GPM6A: variants seen among roughly 807,000 people sequenced by gnomAD.
The protein encoded by GPM6A is glycoprotein M6A.
GPM6A carries 7 observed loss-of-function variants against 32.1 expected under a neutral mutation model. That is an observed-to-expected ratio of 0.22 (90% CI 0.12 to 0.41). The LOEUF (loss-of-function observed/expected upper bound fraction) is 0.41, where lower values mean the gene tolerates loss of function less well. GPM6A is among the 10% of genes least tolerant of loss of function. The pLI, the probability that GPM6A is intolerant of heterozygous loss-of-function variation, is 1.00. For synonymous variants in GPM6A, 130 were observed against 123.4 expected, an observed-to-expected ratio of 1.05 and a Z score of -0.35; for missense variants, 235 against 347.2, an observed-to-expected ratio of 0.68 and a Z score of 2.57.
intron 1 of GPM6A, among the ~76,000 whole-genome samples, chr4:175,747,908 C>A (rs1453825551): frequency 7.0e-6 from 1 of 143,320 alleles, no homozygotes; most frequent in Non-Finnish European, 1.6e-5. Flanking sequence ...TCCTCTCAAA[C>A]CCTGCTGCTA....
intron 1 of GPM6A, among the ~76,000 whole-genome samples, chr4:175,942,852 G>A (rs1739459032): frequency 6.6e-6 from 1 of 152,080 alleles, no homozygotes; most frequent in Non-Finnish European, 1.5e-5. Context: ...GATTGTCTTG[G>A]CTGTACAGGT....
intron 1 of GPM6A, among the ~76,000 whole-genome samples, chr4:175,967,733 GA>G (rs1427779047): frequency 6.6e-6 from 1 of 152,078 alleles, no homozygotes; most frequent in Non-Finnish European, 1.5e-5. Context: ...AGAACTATAT[GA>G]AAAACTACAA....
At chr4:175,761,796 A>C (rs1387132638) in intron 1 of GPM6A, among the ~76,000 whole-genome samples, 1 of 132,586 alleles carries the variant, frequency 7.5e-6, no homozygotes, top group Non-Finnish European at 1.7e-5. Flanking sequence ...CCAAATAATA[A>C]ACTTTTTTTT....
chr4:175,819,823 A>C (rs1353571400), intron 1 of GPM6A, among the ~76,000 whole-genome samples: 1 of 152,174 alleles, frequency 6.6e-6, no homozygotes, highest in African/African-American at 2.4e-5. Context: ...TTCATCCAAA[A>C]ACAAAAACAT....
intron 1 of GPM6A, among the ~76,000 whole-genome samples, chr4:175,875,279 T>C (rs1050310356): frequency 6.6e-6 from 1 of 152,204 alleles, no homozygotes; most frequent in African/African-American, 2.4e-5. Flanking sequence ...TCTATTCTTT[T>C]TGCAATGCCA....
chr4:175,826,693 A>T (rs941006962), intron 1 of GPM6A, among the ~76,000 whole-genome samples: 1 of 152,200 alleles, frequency 6.6e-6, no homozygotes, highest in Non-Finnish European at 1.5e-5. Context: ...GTCAACAAAA[A>T]CAAGTTTCTC....
intron 1 of GPM6A, among the ~76,000 whole-genome samples, chr4:175,785,132 T>C (rs1274603131): frequency 6.6e-6 from 1 of 152,188 alleles, no homozygotes; most frequent in African/African-American, 2.4e-5. Context: ...ACCTTGCGAC[T>C]GTTGCCTTAA....
At chr4:175,968,049 C>A (rs1054023865) in intron 1 of GPM6A, among the ~76,000 whole-genome samples, 1 of 151,888 alleles carries the variant, frequency 6.6e-6, no homozygotes, top group African/African-American at 2.4e-5. Context: ...ATCAAAACAG[C>A]GTAATACTGG....
chr4:175,938,989 A>T (rs1424588111), intron 1 of GPM6A, among the ~76,000 whole-genome samples: 1 of 152,210 alleles, frequency 6.6e-6, no homozygotes, highest in Non-Finnish European at 1.5e-5. Flanking sequence ...TCTTTTCCTT[A>T]ATTCATTCTG....
At chr4:175,728,365 C>T (rs1731273288) in intron 1 of GPM6A, among the ~76,000 whole-genome samples, 2 of 152,126 alleles carry the variant, frequency 1.3e-5, no homozygotes, top group African/African-American at 2.4e-5. Context: ...CTTCATCGAA[C>T]ATATCTTTGT....
intron 1 of GPM6A, among the ~76,000 whole-genome samples, chr4:175,874,910 T>C (rs1203781353): frequency 1.3e-5 from 2 of 152,210 alleles, no homozygotes; most frequent in Non-Finnish European, 2.9e-5. Flanking sequence ...TTCTACACTG[T>C]ACCCTTTCTT....
intron 1 of GPM6A, among the ~76,000 whole-genome samples, chr4:175,949,275 T>C (rs543367735): frequency 6.6e-6 from 1 of 152,254 alleles, no homozygotes; most frequent in East Asian, 1.9e-4. Context: ...TTGGGAAAGT[T>C]TTTTCACTAA....
At chr4:175,787,375 T>G (rs1319953458) in intron 1 of GPM6A, 1 of 1,535,266 alleles carries the variant, frequency 6.5e-7, no homozygotes, top group Admixed American at 2.0e-5. Context: ...TGCCGGCCGC[T>G]GGCTCCTTGT....
intron 4 of GPM6A, among the ~76,000 whole-genome samples, chr4:175,643,885 A>T (rs1440068610): frequency 6.6e-6 from 1 of 152,076 alleles, no homozygotes; most frequent in East Asian, 1.9e-4. Flanking sequence ...CATGTGTGCA[A>T]CTCCAGAAAA....
rs574642526 is a variant in GPM6A, at chr4:175,896,399, T to C, written c.-22-84150A>G. Among the ~76,000 whole-genome samples, 7 of 152,234 alleles carry C rather than the reference T, an allele frequency of 4.6e-5. No homozygotes were observed. The South Asian group carries it at 1.5e-3, about 32-fold the overall frequency. ...AAAATTATCCTCAGATCATTCAACC[T>C]GCTCGGGGAGGTGCCTGGGATTCTG... On this transcript the variant is annotated intron_variant, in intron 1 of 7. Coordinates refer to the GPM6A transcript ENST00000280187.
At chr4:175,935,079 A>C (rs957264781) in intron 1 of GPM6A, among the ~76,000 whole-genome samples, 1 of 152,208 alleles carries the variant, frequency 6.6e-6, no homozygotes, top group Non-Finnish European at 1.5e-5. Flanking sequence ...GACTACTTTA[A>C]TGTGGATGAT....
chr4:175,647,060 T>C (rs547663051), intron 4 of GPM6A, among the ~76,000 whole-genome samples: 1 of 152,298 alleles, frequency 6.6e-6, no homozygotes, highest in African/African-American at 2.4e-5. Flanking sequence ...AAAAATAGTG[T>C]GAGCAAATAA....
chr4:175,767,578 T>G (rs1733023155), intron 1 of GPM6A, among the ~76,000 whole-genome samples: 1 of 152,238 alleles, frequency 6.6e-6, no homozygotes, highest in Non-Finnish European at 1.5e-5. Flanking sequence ...ACATTTCACT[T>G]TTTTTAGGAG....
intron 1 of GPM6A, among the ~76,000 whole-genome samples, chr4:175,723,244 G>T (rs1359772437): frequency 6.6e-6 from 1 of 152,124 alleles, no homozygotes; most frequent in Non-Finnish European, 1.5e-5. Context: ...ACACAAATGT[G>T]ACAGAAACAA....
Sources: gnomAD v4.1 joint callset for allele counts (sites outside exome capture counted in the v4.1 genomes callset) on GRCh38, gnomAD v4.1.1 for gene constraint, MANE v1.5 for transcripts, NCBI Gene and HGNC (gene_info 2026-07-23, HGNC 2026-07-21) for gene names.